Variants in TIAM1 observed in about 807,000 individuals in gnomAD.
The protein encoded by TIAM1 is rho guanine nucleotide exchange factor TIAM1.
In TIAM1, 65 loss-of-function variants were observed where a neutral mutation model predicts 163.5. The observed-to-expected ratio is 0.40, with a 90% CI of 0.33 to 0.49. TIAM1 has a LOEUF of 0.49. Ranked by LOEUF, TIAM1 falls within the 20% of genes least tolerant of loss-of-function variation. The pLI, the probability that TIAM1 is intolerant of heterozygous loss-of-function variation, is 0.77. For missense variants in TIAM1, 1,789 were observed against 2,044.7 expected (o/e 0.87, Z 2.41); for synonymous variants, 833 against 810.1 (o/e 1.03, Z -0.48).
chr21:31,352,227 C>A (rs982663724), intron 2 of TIAM1, among the ~76,000 whole-genome samples: 14 of 152,168 alleles, frequency 9.2e-5, no homozygotes, highest in Admixed American at 9.2e-4. Flanking sequence ...TATATCTCTG[C>A]AATGGAATAT....
intron 8 of TIAM1, among the ~76,000 whole-genome samples, chr21:31,218,931 G>C (rs1273702861): frequency 2.6e-5 from 4 of 151,192 alleles, no homozygotes; most frequent in Non-Finnish European, 5.9e-5. Flanking sequence ...CTATGTTTAG[G>C]TAAATGGGAA....
chr21:31,380,808 A>G (rs547658172), intron 2 of TIAM1, among the ~76,000 whole-genome samples: 1 of 152,340 alleles, frequency 6.6e-6, no homozygotes, highest in African/African-American at 2.4e-5. Flanking sequence ...AAAGCAGTTT[A>G]TATAGTTAAT....
intron 16 of TIAM1, among the ~76,000 whole-genome samples, chr21:31,162,678 GTC>G (rs1385054920): frequency 3.6e-5 from 5 of 140,608 alleles, no homozygotes; most frequent in Non-Finnish European, 7.6e-5. Context: ...GTCCCACACT[GTC>G]TCCCAGGCTG....
chr21:31,447,884 T>C (rs1288917288), intron 2 of TIAM1, among the ~76,000 whole-genome samples: 1 of 152,166 alleles, frequency 6.6e-6, no homozygotes, highest in African/African-American at 2.4e-5. Context: ...AGATCTGCAG[T>C]TGGCAAACTG....
intron 1 of TIAM1, among the ~76,000 whole-genome samples, chr21:31,512,347 G>T (rs748494760): frequency 1.3e-5 from 2 of 151,826 alleles, no homozygotes; most frequent in African/African-American, 4.8e-5. Context: ...TCATCCACCC[G>T]CCTCGGCCTC....
At chr21:31,149,585 C>T (rs536941933) in intron 19 of TIAM1, among the ~76,000 whole-genome samples, 1 of 152,178 alleles carries the variant, frequency 6.6e-6, no homozygotes, top group Admixed American at 6.5e-5. Context: ...TTAACTGGAC[C>T]CAAACTCAAA....
intron 3 of TIAM1, among the ~76,000 whole-genome samples, chr21:31,268,272 T>G (rs2072891866): frequency 6.6e-6 from 1 of 152,192 alleles, no homozygotes; most frequent in South Asian, 2.1e-4. Context: ...ATGAAGCTAA[T>G]TTCTAGCCAG....
At chr21:31,292,055 G>A (rs1045102069) in intron 2 of TIAM1, among the ~76,000 whole-genome samples, 1 of 152,172 alleles carries the variant, frequency 6.6e-6, no homozygotes, top group Non-Finnish European at 1.5e-5. Flanking sequence ...TAGGATCTGA[G>A]AGACCTGATC....
At chr21:31,297,682 C>CCTGTA (rs1229572215) in intron 2 of TIAM1, among the ~76,000 whole-genome samples, 4 of 152,174 alleles carry the variant, frequency 2.6e-5, no homozygotes, top group Admixed American at 1.3e-4. Flanking sequence ...CCGTGCCCGG[C>CCTGTA]CAATGGGAAT....
At chr21:31,215,133 G>A (rs1336976934) in intron 9 of TIAM1, among the ~76,000 whole-genome samples, 1 of 152,042 alleles carries the variant, frequency 6.6e-6, no homozygotes, top group Non-Finnish European at 1.5e-5. Context: ...ATATATTTCA[G>A]TAGAAAAGGG....
chr21:31,124,422 G>A, intron 27 of TIAM1, 100 bp downstream of exon 27: 3 of 1,517,610 alleles, frequency 2.0e-6, no homozygotes, highest in Non-Finnish European at 2.6e-6. Flanking sequence ...CCCCCACCAG[G>A]CCACACCTCA....
chr21:31,516,050 G>A (rs1212894369), intron 1 of TIAM1, among the ~76,000 whole-genome samples: 4 of 147,172 alleles, frequency 2.7e-5, no homozygotes, highest in Admixed American at 2.1e-4. Flanking sequence ...GGAGGTTGCA[G>A]TGAGCCAAGA....
At chr21:31,392,095 G>A (rs1221740821) in intron 2 of TIAM1, among the ~76,000 whole-genome samples, 2 of 152,204 alleles carry the variant, frequency 1.3e-5, no homozygotes, top group East Asian at 1.9e-4. Flanking sequence ...GCTAGGCTAA[G>A]CTAGGATGTT....
intron 2 of TIAM1, among the ~76,000 whole-genome samples, chr21:31,437,210 A>G (rs1336708258): frequency 6.6e-6 from 1 of 152,122 alleles, no homozygotes; most frequent in South Asian, 2.1e-4. Flanking sequence ...TTTATATCCA[A>G]TATCTTAAAC....
intron 1 of TIAM1, among the ~76,000 whole-genome samples, chr21:31,556,357 G>A (rs11088178): frequency 0.11 from 16,305 of 152,220 alleles, 1,059 homozygotes; most frequent in Admixed American, 0.19. Context: ...CCAGGGGAAC[G>A]GAAGAGACAG....
intron 23 of TIAM1, among the ~76,000 whole-genome samples, chr21:31,133,433 A>G (rs1437007929): frequency 6.6e-6 from 1 of 152,200 alleles, no homozygotes; most frequent in Non-Finnish European, 1.5e-5. Context: ...TACACCAGGG[A>G]CAGGTGCTGT....
At chr21:31,452,942 GT>G (rs1555986160) in intron 2 of TIAM1, 1 of 515,200 alleles carries the variant, frequency 1.9e-6, no homozygotes, top group Non-Finnish European at 3.9e-6. Context: ...TGGAAGATGC[GT>G]TCTACAAAGG....
At chr21:31,523,749 C>T (rs1456011163) in intron 1 of TIAM1, among the ~76,000 whole-genome samples, 1 of 152,028 alleles carries the variant, frequency 6.6e-6, no homozygotes, top group Non-Finnish European at 1.5e-5. Context: ...CAAGGTGAAA[C>T]CCCATCTCTA....
At position 31,210,150 on chromosome 21, in the gene TIAM1, G is replaced by A. The variant is rs772715550; in HGVS notation, c.2283C>T (p.His761=). The stretch of plus-strand genomic sequence containing the variant: ...AGAACCAGGATGGAGTGAAATACTC[G>A]TGGACCCAAATGTCGCAGTCAGGGT... ...QHNPDCDIWV[H]EYFTPSWFCL... Residue 761 remains histidine, a synonymous_variant, in exon 11 of 28, where the codon CAC becomes CAT. Transcript: ENST00000541036. 38 of 1,614,048 alleles carry A rather than the reference G, an allele frequency of 2.4e-5. No individual in the cohort carries two copies. The highest frequency in any genetic ancestry group is 1.4e-4 in the South Asian group (13 of 91,086).
Sources: allele counts gnomAD v4.1 joint callset (sites outside exome capture counted in the v4.1 genomes callset), GRCh38; gene constraint gnomAD v4.1.1; transcripts MANE v1.5; gene names NCBI Gene and HGNC (gene_info 2026-07-23, HGNC 2026-07-21).